The following SAMMSON variants were observed in gnomAD, a reference collection of about 807,000 sequenced individuals.
SAMMSON encodes long intergenic non-protein coding RNA 1212.
intron 7 of SAMMSON, among the ~76,000 whole-genome samples, chr3:70,333,094 AT>A (rs564180904): frequency 2.0e-5 from 3 of 151,308 alleles, no homozygotes; most frequent in African/African-American, 2.4e-5. Context: ...TCTTTTTAGA[AT>A]TTTTTTTTCT....
chr3:70,324,302 C>T (rs1559564009), intron 7 of SAMMSON, among the ~76,000 whole-genome samples: 2 of 152,054 alleles, frequency 1.3e-5, no homozygotes, highest in Non-Finnish European at 2.9e-5. Context: ...ATACAAGTGG[C>T]ACCACCCACT....
chr3:70,040,938 CT>C (rs2067104144), intron 3 of SAMMSON, among the ~76,000 whole-genome samples: 1 of 152,118 alleles, frequency 6.6e-6, no homozygotes, highest in East Asian at 1.9e-4. Context: ...CAGATATCGT[CT>C]CAAAACAATA....
At chr3:70,124,994 G>C in intron 4 of SAMMSON, 1 of 661,044 alleles carries the variant, frequency 1.5e-6, no homozygotes, top group Non-Finnish European at 2.7e-6. Flanking sequence ...AGTCCAGGTG[G>C]TCAATTTCTT....
intron 9 of SAMMSON, among the ~76,000 whole-genome samples, chr3:70,367,091 A>T (rs945782058): frequency 6.6e-6 from 1 of 151,710 alleles, no homozygotes; most frequent in Non-Finnish European, 1.5e-5. Context: ...GCAAATTCAT[A>T]CAGTAAGCAA....
chr3:70,207,261 AG>A (rs1701299728), intron 4 of SAMMSON, among the ~76,000 whole-genome samples: 1 of 152,092 alleles, frequency 6.6e-6, no homozygotes, highest in Admixed American at 6.6e-5. Flanking sequence ...CTCTGTAAAA[AG>A]AAAAATGCAT....
intron 6 of SAMMSON, chr3:70,283,992 T>C (rs545759242): frequency 6.6e-6 from 1 of 152,128 alleles, no homozygotes; most frequent in Admixed American, 6.6e-5. Flanking sequence ...CCTACTGTCA[T>C]ACAGAAGGGG....
chr3:70,188,142 C>T, intron 4 of SAMMSON, among the ~76,000 whole-genome samples: 1 of 152,286 alleles, frequency 6.6e-6, no homozygotes, highest in South Asian at 2.1e-4. Flanking sequence ...TGGCCTTCAA[C>T]CATGGCCATC....
At chr3:70,080,669 A>G (rs1576116861) in intron 4 of SAMMSON, among the ~76,000 whole-genome samples, 1 of 150,418 alleles carries the variant, frequency 6.6e-6, no homozygotes, top group Non-Finnish European at 1.5e-5. Context: ...TTTACTCTAC[A>G]TAATTCTCCA....
chr3:70,246,146 A>G (rs1701706721), intron 4 of SAMMSON, among the ~76,000 whole-genome samples: 2 of 152,040 alleles, frequency 1.3e-5, no homozygotes, highest in South Asian at 4.1e-4. Context: ...GATGAACCGT[A>G]GCAACTATTT....
chr3:70,420,888 C>T (rs953857287), intron 2 of SAMMSON, among the ~76,000 whole-genome samples: 3 of 151,902 alleles, frequency 2.0e-5, no homozygotes, highest in Non-Finnish European at 2.9e-5. Context: ...AGTGGCTCTA[C>T]AGATAACCTA....
chr3:70,380,793 G>A (rs1385585308), intron 9 of SAMMSON, among the ~76,000 whole-genome samples: 1 of 151,880 alleles, frequency 6.6e-6, no homozygotes, highest in African/African-American at 2.4e-5. Context: ...AGTATGCGGT[G>A]TTTGGTTTTT....
At chr3:70,338,296 A>G (rs1203213520) in intron 7 of SAMMSON, among the ~76,000 whole-genome samples, 3 of 151,960 alleles carry the variant, frequency 2.0e-5, no homozygotes, top group African/African-American at 7.2e-5. Context: ...TCCCTTTACT[A>G]TATTCAAAAG....
chr3:70,114,678 T>G (rs2106662833), intron 4 of SAMMSON, among the ~76,000 whole-genome samples: 1 of 152,256 alleles, frequency 6.6e-6, no homozygotes, highest in East Asian at 1.9e-4. Context: ...TTTTGAGAAA[T>G]GAAGACACTG....
At chr3:70,381,351 T>A (rs1703066593) in intron 9 of SAMMSON, among the ~76,000 whole-genome samples, 1 of 152,156 alleles carries the variant, frequency 6.6e-6, no homozygotes, top group Admixed American at 6.6e-5. Context: ...CATTTTGCAA[T>A]CTTAATGAAC....
intron 2 of SAMMSON, among the ~76,000 whole-genome samples, chr3:70,428,671 C>G (rs895630443): frequency 1.3e-5 from 2 of 152,194 alleles, no homozygotes; most frequent in Non-Finnish European, 2.9e-5. Context: ...AAATATCTCT[C>G]TAATTAGTGC....
chr3:70,211,299 CCCTTT>C (rs1444702065), intron 4 of SAMMSON, among the ~76,000 whole-genome samples: 3 of 140,386 alleles, frequency 2.1e-5, no homozygotes, highest in African/African-American at 5.3e-5. Context: ...CCCTTCCCTT[CCCTTT>C]GCCTTTCCCT....
At chr3:70,051,162 A>G (rs1272585241) in intron 3 of SAMMSON, among the ~76,000 whole-genome samples, 8 of 138,214 alleles carry the variant, frequency 5.8e-5, no homozygotes, top group Non-Finnish European at 9.4e-5. Context: ...AAAAAAAAAG[A>G]AAAAAAAAGA....
chr3:70,386,196 A>G (rs1229102646), intron 9 of SAMMSON, among the ~76,000 whole-genome samples: 2 of 152,108 alleles, frequency 1.3e-5, no homozygotes, highest in Non-Finnish European at 2.9e-5. Context: ...AATCCAAGCC[A>G]GACATAAAAT....
chr3:70,017,500 T>A (rs1293223474), intron 3 of SAMMSON, among the ~76,000 whole-genome samples: 1 of 152,080 alleles, frequency 6.6e-6, no homozygotes, highest in African/African-American at 2.4e-5. Context: ...CGATGGGGTT[T>A]TCTAGATATA....
Sources: allele counts gnomAD v4.1 joint callset (sites outside exome capture counted in the v4.1 genomes callset), GRCh38; gene constraint gnomAD v4.1.1; transcripts MANE v1.5; gene names NCBI Gene and HGNC (gene_info 2026-07-23, HGNC 2026-07-21).